Variants in PATL2 observed in about 807,000 individuals in gnomAD.
The protein encoded by PATL2 is protein PAT1 homolog 2.
A neutral mutation model predicts 77.0 loss-of-function variants in PATL2; 73 were observed. The observed-to-expected ratio is 0.95, with a 90% CI of 0.78 to 1.15. The LOEUF (loss-of-function observed/expected upper bound fraction) is 1.15. PATL2 is among the 50% of genes most tolerant of loss of function. PATL2 has a pLI of 0.00. For synonymous variants in PATL2, 265 were observed against 257.1 expected (o/e 1.03, Z -0.29); for missense variants, 618 against 655.4 (o/e 0.94, Z 0.62).
In PATL2 at chr15:44,687,710, C is replaced by G. The variant is rs188274694; in HGVS notation, c.-75-11145G>C. ...AGCTGATAAGCAATTTCAGCAGTCT[C>G]AGGCTACAAAATCAATGTGCAAAAA... On this transcript the variant is annotated intron_variant, in intron 3 of 17. Coordinates refer to ENST00000682850, the MANE Select transcript of PATL2 (RefSeq NM_001387263.1). Among the ~76,000 whole-genome samples, 10 of 152,316 alleles carry G rather than the reference C, an allele frequency of 6.6e-5. No homozygotes were observed. In the East Asian group the frequency reaches 1.3e-3, roughly 21 times the overall value.
At chr15:44,670,191 TTGTG>T in intron 9 of PATL2, 104 bp from the exon 10 acceptor site, 1 of 1,434,124 alleles carries the variant, frequency 7.0e-7, no homozygotes, top group Non-Finnish European at 9.3e-7. Flanking sequence ...TTTAGTTTTT[TTGTG>T]TGTGTTATAA....
chr15:44,681,980 G>A (rs148766205), intron 3 of PATL2, among the ~76,000 whole-genome samples: 11 of 152,112 alleles, frequency 7.2e-5, no homozygotes, highest in East Asian at 5.8e-4. Context: ...GCCTTCTCTC[G>A]TAATCGCTGT....
intron 3 of PATL2, among the ~76,000 whole-genome samples, chr15:44,706,232 G>A (rs2086734129): frequency 6.6e-6 from 1 of 152,180 alleles, no homozygotes; most frequent in Non-Finnish European, 1.5e-5. Context: ...GTTCATCAGT[G>A]TCTGAGTTAA....
chr15:44,676,033 A>G, intron 4 of PATL2: 1 of 317,980 alleles, frequency 3.1e-6, no homozygotes, highest in African/African-American at 2.2e-5. Context: ...AAAATTTAAA[A>G]AGCAAACAAA....
chr15:44,675,761 G>A, intron 4 of PATL2, 70 bp from the exon 5 acceptor site: 1 of 1,319,636 alleles, frequency 7.6e-7, no homozygotes, highest in South Asian at 1.5e-5. Context: ...TAGAGAGGCT[G>A]CTACTCAATA....
chr15:44,667,610 C>T (rs2085447081), intron 15 of PATL2, among the ~76,000 whole-genome samples: 1 of 152,182 alleles, frequency 6.6e-6, no homozygotes, highest in African/African-American at 2.4e-5. Context: ...AAAATTTTCA[C>T]ATCTAGAGTC....
intron 3 of PATL2, among the ~76,000 whole-genome samples, chr15:44,682,160 A>G (rs146701306): frequency 2.5e-4 from 38 of 152,368 alleles, no homozygotes; most frequent in African/African-American, 9.1e-4. Context: ...ACATGAAGTT[A>G]CAAAGTAAGA....
At chr15:44,671,700 C>T (rs1455676537) in intron 9 of PATL2, among the ~76,000 whole-genome samples, 1 of 152,178 alleles carries the variant, frequency 6.6e-6, no homozygotes, top group African/African-American at 2.4e-5. Flanking sequence ...TATAACAAGA[C>T]ATTTCTCAGC....
chr15:44,696,196 G>A (rs1185015522), intron 3 of PATL2, among the ~76,000 whole-genome samples: 1 of 152,170 alleles, frequency 6.6e-6, no homozygotes, highest in South Asian at 2.1e-4. Context: ...ACCTACAAGG[G>A]AAAACATCCC....
intron 3 of PATL2, among the ~76,000 whole-genome samples, chr15:44,698,262 A>G (rs2086554656): frequency 6.6e-6 from 1 of 152,036 alleles, no homozygotes; most frequent in African/African-American, 2.4e-5. Context: ...ATCCAATTAT[A>G]CTATTTTAGT....
intron 3 of PATL2, among the ~76,000 whole-genome samples, chr15:44,705,499 T>G (rs573465238): frequency 1.1e-4 from 16 of 152,284 alleles, no homozygotes; most frequent in Admixed American, 9.2e-4. Flanking sequence ...AACTCTTAAA[T>G]TTGCCGTTTT....
At chr15:44,689,956 G>A (rs1483303795) in intron 3 of PATL2, among the ~76,000 whole-genome samples, 10 of 152,172 alleles carry the variant, frequency 6.6e-5, no homozygotes, top group Admixed American at 3.3e-4. Context: ...TTGGGAGGCC[G>A]AGGTGGGCGG....
rs1219562003 is a variant in PATL2 at position 44,669,758 on chromosome 15, G to C, written c.876+19C>G. 1 of 1,550,648 alleles carries C rather than the reference G, an allele frequency of 6.4e-7. No individual in the cohort carries two copies. Among genetic ancestry groups the C allele is most frequent in the East Asian group, 2.4e-5 (1 of 40,902 alleles). On this transcript the variant is annotated intron_variant, in intron 11 of 17. Transcript: ENST00000682850. ...TTCCAAAGGGGAGAGAAAAATGTCTGGGAAGATAGTGCTCCCACCTGCTCT... is the reference window on the plus strand; with the variant it reads ...TTCCAAAGGGGAGAGAAAAATGTCTCGGAAGATAGTGCTCCCACCTGCTCT...
chr15:44,690,238 C>G (rs1050698997), intron 3 of PATL2, among the ~76,000 whole-genome samples: 1 of 152,162 alleles, frequency 6.6e-6, no homozygotes, highest in African/African-American at 2.4e-5. Flanking sequence ...TTCTAACTAT[C>G]ACCCCAAATC....
chr15:44,710,346 C>T (rs1055504701), intron 2 of PATL2, among the ~76,000 whole-genome samples, 132 bp from the exon 3 acceptor site: 1 of 152,204 alleles, frequency 6.6e-6, no homozygotes, highest in Admixed American at 6.5e-5. Context: ...TCCACTTCCT[C>T]TTCTCACTGT....
chr15:44,673,574 T>C (rs2085801446), intron 6 of PATL2, among the ~76,000 whole-genome samples, 197 bp from the exon 7 acceptor site: 1 of 152,190 alleles, frequency 6.6e-6, no homozygotes, highest in Admixed American at 6.5e-5. Flanking sequence ...AGGGCTTGAC[T>C]AGGAAGCAGC....
At chr15:44,668,605 G>C in intron 14 of PATL2, 123 bp from the exon 15 acceptor site, 1 of 1,227,178 alleles carries the variant, frequency 8.1e-7, no homozygotes, top group Non-Finnish European at 1.1e-6. Flanking sequence ...TTACTTACCA[G>C]GCTTATCACC....
intron 3 of PATL2, among the ~76,000 whole-genome samples, chr15:44,697,900 T>TA (rs996939805): frequency 2.9e-4 from 44 of 152,032 alleles, no homozygotes; most frequent in African/African-American, 9.9e-4. Context: ...CCACTTTTTT[T>TA]TTATTATTAT....
intron 16 of PATL2, chr15:44,666,772 G>C (rs574609115): frequency 3.2e-5 from 17 of 531,080 alleles, no homozygotes; most frequent in African/African-American, 3.1e-4. Context: ...ATCATCCCTA[G>C]TTTGTAGATA....
Sources: gnomAD v4.1 joint callset for allele counts (sites outside exome capture counted in the v4.1 genomes callset) on GRCh38, gnomAD v4.1.1 for gene constraint, MANE v1.5 for transcripts, NCBI Gene and HGNC (gene_info 2026-07-23, HGNC 2026-07-21) for gene names.